Variants in UBE2G2 observed in about 807,000 individuals in gnomAD.
The protein encoded by UBE2G2 is ubiquitin conjugating enzyme E2 G2.
In UBE2G2, 10 loss-of-function variants were observed where a neutral mutation model predicts 23.0. The ratio of observed to expected loss-of-function variants is 0.43; its 90% CI spans 0.27 to 0.74. The LOEUF is 0.74. Among genes scored for constraint, UBE2G2 ranks in the 30% least tolerant of loss-of-function variants. UBE2G2 has a pLI of 0.19. For synonymous variants in UBE2G2, 86 were observed against 81.3 expected (o/e 1.06, Z -0.31); for missense variants, 150 against 218.3 (o/e 0.69, Z 1.97).
intron 3 of UBE2G2, among the ~76,000 whole-genome samples, chr21:44,785,336 G>A (rs1042806156): frequency 6.6e-6 from 1 of 152,126 alleles, no homozygotes; most frequent in East Asian, 1.9e-4. Flanking sequence ...CACAGCCTGC[G>A]GACTCTCATT....
At chr21:44,775,326 G>A (rs1390283660) in intron 4 of UBE2G2, 1 of 152,226 alleles carries the variant, frequency 6.6e-6, no homozygotes, top group Admixed American at 6.5e-5. Context: ...ATGTGACTTT[G>A]CATTTTGTTT....
In UBE2G2 at chr21:44,788,279, G is replaced by GTTTT. The variant is rs1204675481; in HGVS notation, c.44-188_44-185dup. ...ACGGTTCTGATAACAACTACACAAA[G>GTTTT]TTTTTTTGTTTTTTTTTTGTTTTTT... On this transcript the variant is annotated intron_variant, in intron 1 of 5. Coordinates refer to ENST00000345496, the MANE Select transcript of UBE2G2 (RefSeq NM_003343.6). 2.1e-4 allele frequency among the ~76,000 whole-genome samples: 25 copies of GTTTT among 121,770 alleles called. 1 individual carries two copies. Among genetic ancestry groups the GTTTT allele is most frequent in the Non-Finnish European group, 2.8e-4 (15 of 52,812 alleles). The allele number at this position is 121,770 out of a possible 152,430, so 79.9% of individuals were successfully genotyped here. A position where few individuals can be genotyped will look rare whatever the true frequency, so the allele number is the denominator to read the frequency against.
At chr21:44,777,160 G>T in intron 4 of UBE2G2, 139 bp downstream of exon 4, 3 of 725,478 alleles carry the variant, frequency 4.1e-6, no homozygotes, top group African/African-American at 1.8e-5. Context: ...ATGCTTACTT[G>T]GCTGAATTTC....
intron 1 of UBE2G2, among the ~76,000 whole-genome samples, chr21:44,790,792 C>T (rs2083037094): frequency 6.6e-6 from 1 of 152,110 alleles, no homozygotes. Context: ...CAGATGAATA[C>T]AGTAAATTGG....
intron 1 of UBE2G2, 79 bp from the exon 2 acceptor site, chr21:44,788,174 T>C: frequency 7.4e-7 from 1 of 1,343,508 alleles, no homozygotes; most frequent in Non-Finnish European, 1.0e-6. Flanking sequence ...CTTTACAAAA[T>C]ATATAAGCCT....
At chr21:44,785,510 T>C (rs1015972672) in intron 3 of UBE2G2, among the ~76,000 whole-genome samples, 1 of 152,176 alleles carries the variant, frequency 6.6e-6, no homozygotes, top group Non-Finnish European at 1.5e-5. Flanking sequence ...ATATCTAAAA[T>C]GACATTTTCT....
At chr21:44,799,836 T>G (rs2083121251) in intron 1 of UBE2G2, among the ~76,000 whole-genome samples, 1 of 152,248 alleles carries the variant, frequency 6.6e-6, no homozygotes, top group Non-Finnish European at 1.5e-5. Context: ...CTCACTAAAC[T>G]TAATCATTTC....
intron 3 of UBE2G2, among the ~76,000 whole-genome samples, chr21:44,787,459 G>T (rs1411494606): frequency 1.3e-5 from 2 of 152,194 alleles, no homozygotes; most frequent in Admixed American, 6.5e-5. Context: ...TGGGAGGAAA[G>T]GAGAAGAAAA....
intron 1 of UBE2G2, among the ~76,000 whole-genome samples, chr21:44,794,253 G>C (rs2083067756): frequency 6.6e-6 from 1 of 152,184 alleles, no homozygotes; most frequent in African/African-American, 2.4e-5. Flanking sequence ...CTGTGTGGTA[G>C]AGCAGCCCTA....
intron 3 of UBE2G2, chr21:44,779,206 G>A (rs551807711): frequency 2.2e-6 from 1 of 452,182 alleles, no homozygotes; most frequent in South Asian, 1.6e-5. Flanking sequence ...CATGGCCCTA[G>A]CAGGGCTGAT....
intron 1 of UBE2G2, among the ~76,000 whole-genome samples, chr21:44,790,766 T>C (rs2083036936): frequency 6.6e-6 from 1 of 152,152 alleles, no homozygotes; most frequent in African/African-American, 2.4e-5. Context: ...GGGAAGTTCT[T>C]ATAGGAGTGT....
chr21:44,785,770 C>A (rs978924113), intron 3 of UBE2G2: 1 of 152,170 alleles, frequency 6.6e-6, no homozygotes, highest in East Asian at 1.9e-4. Flanking sequence ...CACTTGTAAA[C>A]GGCCTCTTGT....
intron 4 of UBE2G2, chr21:44,776,740 C>T (rs2082916658): frequency 6.5e-6 from 1 of 154,528 alleles, no homozygotes; most frequent in Non-Finnish European, 1.4e-5. Context: ...CCCCTGCACA[C>T]ACTCTCTTGC....
Position 44,772,799 on chromosome 21 carries a change from C to G in UBE2G2, c.385+748G>C, listed in dbSNP as rs2082883714. Among the ~76,000 whole-genome samples the G allele has an allele frequency of 6.6e-6, 1 of 152,150 alleles. No individual in the cohort carries two copies. Among genetic ancestry groups the G allele is most frequent in the South Asian group, 2.1e-4 (1 of 4,828 alleles). ...ACCACTCAGCCCTTCTCTTTTCTCT[C>G]CAGGCTACTGCAACACCACGATGTC... On this transcript the variant is annotated intron_variant, in intron 5 of 5. Transcript: ENST00000345496. The surrounding 1 kb of genome is among the most constrained non-coding windows in gnomAD (Gnocchi z 5.4).
intron 1 of UBE2G2, among the ~76,000 whole-genome samples, chr21:44,793,161 G>A (rs1443188807): frequency 2.6e-5 from 4 of 152,244 alleles, no homozygotes; most frequent in Non-Finnish European, 4.4e-5. Context: ...AAAAATAACA[G>A]ATTACGGCAG....
At chr21:44,778,672 A>G (rs2082931652) in intron 3 of UBE2G2, among the ~76,000 whole-genome samples, 1 of 152,226 alleles carries the variant, frequency 6.6e-6, no homozygotes, top group East Asian at 1.9e-4. Context: ...TCTTTCTTTG[A>G]TAAGGAAGCA....
intron 1 of UBE2G2, 76 bp from the exon 2 acceptor site, chr21:44,788,171 A>T (rs1180667682): frequency 7.2e-7 from 1 of 1,388,796 alleles, no homozygotes; most frequent in Admixed American, 2.2e-5. Flanking sequence ...CACCTTTACA[A>T]AATATATAAG....
At position 44,801,696 on chromosome 21, in the gene UBE2G2, C is replaced by A; in HGVS notation, c.43+10G>T. On this transcript the variant is annotated intron_variant, in intron 1 of 5. Coordinates refer to ENST00000345496, the MANE Select transcript of UBE2G2 (RefSeq NM_003343.6). ...GGGACGCTGCTGACGGCCCGGGTCC[C>A]CAGACTCACGTTTGTACTCGGCCAT... 6.6e-7 allele frequency: 1 copy of A among 1,514,446 alleles called. No individual in the cohort carries two copies. 93.8% of individuals were successfully genotyped at this position (1,514,446 alleles called of 1,614,324 possible). A position where few individuals can be genotyped will look rare whatever the true frequency, so the allele number is the denominator to read the frequency against.
chr21:44,774,529 T>A (rs1478763324), intron 4 of UBE2G2: 2 of 266,954 alleles, frequency 7.5e-6, no homozygotes, highest in Non-Finnish European at 1.5e-5. Flanking sequence ...AGCTCTGAAT[T>A]TCATGAAAAT....
Sources: gnomAD v4.1 joint callset for allele counts (sites outside exome capture counted in the v4.1 genomes callset) on GRCh38, gnomAD v4.1.1 for gene constraint, Gnocchi (gnomAD v3.1) non-coding constraint, MANE v1.5 for transcripts, NCBI Gene and HGNC (gene_info 2026-07-23, HGNC 2026-07-21) for gene names.